The following KDM4C variants were observed in gnomAD, a reference collection of about 807,000 sequenced individuals.
KDM4C encodes the protein lysine demethylase 4C.
KDM4C carries 81 observed loss-of-function variants against 129.3 expected under a neutral mutation model. That is an observed-to-expected ratio of 0.63 (90% confidence interval 0.52 to 0.75). The LOEUF is 0.75. KDM4C is among the 30% of genes least tolerant of loss of function. The pLI, the probability that KDM4C is intolerant of heterozygous loss-of-function variation, is 0.00. For synonymous variants in KDM4C, 573 were observed against 456.1 expected (o/e 1.26, Z -3.26); for missense variants, 1,457 against 1,304.0 (o/e 1.12, Z -1.81).
At chr9:6,862,913 G>C (rs896493052) in intron 5 of KDM4C, among the ~76,000 whole-genome samples, 5 of 152,146 alleles carry the variant, frequency 3.3e-5, no homozygotes, top group African/African-American at 9.7e-5. Context: ...CATTGTGGTG[G>C]AACTTTATAA....
chr9:7,021,793 A>G (rs1824907376), intron 15 of KDM4C, among the ~76,000 whole-genome samples: 1 of 152,186 alleles, frequency 6.6e-6, no homozygotes, highest in Non-Finnish European at 1.5e-5. Flanking sequence ...TTCAGGTCTT[A>G]GATTTAAGTC....
chr9:7,048,258 G>T (rs747217846), intron 16 of KDM4C, among the ~76,000 whole-genome samples: 1 of 151,984 alleles, frequency 6.6e-6, no homozygotes, highest in East Asian at 1.9e-4. Flanking sequence ...TATTTATTTC[G>T]ATGTGGAAGA....
At chr9:7,162,487 T>C (rs1843909039) in intron 19 of KDM4C, among the ~76,000 whole-genome samples, 2 of 152,220 alleles carry the variant, frequency 1.3e-5, no homozygotes, top group South Asian at 4.1e-4. Context: ...AGGCATTGTT[T>C]CCAAAAGGTT....
chr9:6,849,428 A>T, intron 4 of KDM4C, 79 bp from the exon 5 acceptor site: 2 of 1,214,530 alleles, frequency 1.6e-6, no homozygotes, highest in Non-Finnish European at 2.3e-6. Flanking sequence ...TTTGGTGGAT[A>T]GTGGTTTGAT....
chr9:7,029,003 G>C (rs571114125), intron 15 of KDM4C, among the ~76,000 whole-genome samples: 2 of 152,304 alleles, frequency 1.3e-5, no homozygotes, highest in African/African-American at 4.8e-5. Context: ...ACCAGGTACT[G>C]TGGGTGCTCA....
intron 1 of KDM4C, chr9:6,721,120 C>T: frequency 1.2e-6 from 1 of 860,910 alleles, no homozygotes; most frequent in Middle Eastern, 2.9e-4. Context: ...GTTGCCCAGG[C>T]TAGAGGGCAG....
At chr9:7,005,436 A>AG in intron 12 of KDM4C, among the ~76,000 whole-genome samples, 1 of 10,134 alleles carries the variant, frequency 9.9e-5, no homozygotes, top group African/African-American at 3.3e-4. Flanking sequence ...ACTCTGTCTC[A>AG]AAAAAAAAAA....
chr9:6,853,277 C>T (rs1839183270), intron 5 of KDM4C, among the ~76,000 whole-genome samples: 1 of 151,716 alleles, frequency 6.6e-6, no homozygotes, highest in South Asian at 2.1e-4. Flanking sequence ...CACTTGAGCC[C>T]AGGAGTTCAA....
At chr9:7,024,543 C>G (rs202113763) in intron 15 of KDM4C, among the ~76,000 whole-genome samples, 2 of 148,376 alleles carry the variant, frequency 1.3e-5, no homozygotes, top group East Asian at 4.0e-4. Flanking sequence ...TCCATGTGTT[C>G]TCATTGTTCA....
At chr9:6,976,924 A>G (rs943518644) in intron 8 of KDM4C, among the ~76,000 whole-genome samples, 5 of 152,152 alleles carry the variant, frequency 3.3e-5, no homozygotes, top group African/African-American at 7.2e-5. Context: ...GCATAGGTCT[A>G]GAGATATGAT....
At chr9:7,018,695 C>T (rs1366744439) in intron 15 of KDM4C, among the ~76,000 whole-genome samples, 2 of 152,242 alleles carry the variant, frequency 1.3e-5, no homozygotes, top group Non-Finnish European at 1.5e-5. Flanking sequence ...ATTGTCTTTG[C>T]ATGGCAACCT....
At chr9:7,166,486 T>TC (rs1489293730) in intron 20 of KDM4C, among the ~76,000 whole-genome samples, 1 of 151,788 alleles carries the variant, frequency 6.6e-6, no homozygotes, top group East Asian at 1.9e-4. Context: ...AAAGGCCATT[T>TC]CCCCCTTTGC....
At chr9:6,776,960 C>G (rs1823208107) in intron 1 of KDM4C, among the ~76,000 whole-genome samples, 1 of 152,146 alleles carries the variant, frequency 6.6e-6, no homozygotes, top group African/African-American at 2.4e-5. Context: ...TATCTTTTCC[C>G]CAGGAATTCC....
At chr9:6,968,746 A>G (rs1200667008) in intron 8 of KDM4C, among the ~76,000 whole-genome samples, 1 of 152,162 alleles carries the variant, frequency 6.6e-6, no homozygotes, top group South Asian at 2.1e-4. Flanking sequence ...CAGGTACTTC[A>G]TAATTTTATA....
rs923799039 is a variant in KDM4C, at chr9:6,833,118, T to C, written c.436-16389T>C. On this transcript the variant is annotated intron_variant, in intron 4 of 21. Transcript: ENST00000381309. ...GTTCTGAGCATGGGATATGGCTGTT[T>C]TAGTATATGTTGAGATAATTGATCT... Among the ~76,000 whole-genome samples the C allele has an allele frequency of 3.3e-5, 5 of 151,910 alleles. No homozygotes were observed. In the East Asian group the frequency reaches 9.6e-4, roughly 29 times the overall value.
chr9:6,845,811 T>C (rs1837758417), intron 4 of KDM4C, among the ~76,000 whole-genome samples: 1 of 152,242 alleles, frequency 6.6e-6, no homozygotes, highest in Non-Finnish European at 1.5e-5. Flanking sequence ...ATGTGCCTGC[T>C]GAACATGTGT....
intron 4 of KDM4C, among the ~76,000 whole-genome samples, chr9:6,832,937 T>C (rs962409545): frequency 6.6e-6 from 1 of 150,988 alleles, no homozygotes; most frequent in Non-Finnish European, 1.5e-5. Flanking sequence ...GGTTTCACCA[T>C]GTTGGCCAGG....
rs60954996 is a variant in KDM4C at position 6,760,445 on chromosome 9, G to GTATATATATATATATATATA, written c.-18+2243_-18+2262dup. Among the ~76,000 whole-genome samples, 207 of 142,476 alleles carry GTATATATATATATATATATA rather than the reference G, an allele frequency of 1.5e-3. 2 individuals are homozygous for GTATATATATATATATATATA. The highest frequency in any genetic ancestry group is 3.2e-3 in the African/African-American group (122 of 38,488). The allele number at this position is 142,476 out of a possible 152,430, so 93.5% of individuals were successfully genotyped here. A position where few individuals can be genotyped will look rare whatever the true frequency, so the allele number is the denominator to read the frequency against. ...GGACGCGTGTTTTCTCTACTCTTGGGTATATATATATATATATATAATGTA... is the reference window on the plus strand; with the variant it reads ...GGACGCGTGTTTTCTCTACTCTTGGGTATATATATATATATATATATATATATATATATATATATAATGTA... On this transcript the variant is annotated intron_variant, in intron 1 of 21. Coordinates refer to ENST00000381309, the MANE Select transcript of KDM4C (RefSeq NM_015061.6).
intron 18 of KDM4C, among the ~76,000 whole-genome samples, chr9:7,121,020 A>G (rs1839429810): frequency 6.6e-6 from 1 of 152,240 alleles, no homozygotes; most frequent in Admixed American, 6.5e-5. Context: ...AAGAAGTACT[A>G]AATAAATCCC....
Sources: allele counts gnomAD v4.1 joint callset (sites outside exome capture counted in the v4.1 genomes callset), GRCh38; gene constraint gnomAD v4.1.1; transcripts MANE v1.5; gene names NCBI Gene and HGNC (gene_info 2026-07-23, HGNC 2026-07-21).